Variants in STXBP5L observed in about 807,000 individuals in gnomAD.
STXBP5L encodes syntaxin-binding protein 5-like.
Under a neutral mutation model 144.5 loss-of-function variants are expected in STXBP5L, and 65 were observed. The ratio of observed to expected loss-of-function variants is 0.45; its 90% CI spans 0.37 to 0.55. The LOEUF is 0.55. Among genes scored for constraint, STXBP5L ranks in the 20% least tolerant of loss-of-function variants. The pLI, the probability that STXBP5L is intolerant of heterozygous loss-of-function variation, is 0.00. For synonymous variants in STXBP5L, 505 were observed against 469.6 expected (o/e 1.08, Z -0.97); for missense variants, 1,298 against 1,405.5 (o/e 0.92, Z 1.22).
chr3:121,065,827 G>A (rs1364173778), intron 5 of STXBP5L, among the ~76,000 whole-genome samples: 4 of 152,182 alleles, frequency 2.6e-5, no homozygotes, highest in African/African-American at 9.7e-5. Flanking sequence ...ACTGGGAAAG[G>A]ATCTTTATTC....
chr3:121,336,392 G>A (rs757422240), intron 20 of STXBP5L, among the ~76,000 whole-genome samples: 2 of 152,100 alleles, frequency 1.3e-5, no homozygotes, highest in Non-Finnish European at 2.9e-5. Context: ...AGCTACTCAG[G>A]AGGCTGAGAT....
At chr3:121,293,030 G>GA (rs954779070) in intron 19 of STXBP5L, among the ~76,000 whole-genome samples, 4 of 150,464 alleles carry the variant, frequency 2.7e-5, no homozygotes, top group Non-Finnish European at 4.4e-5. Context: ...CTATTAAAAC[G>GA]AAAAAAAAAT....
At chr3:121,409,863 G>T (rs1336470786) in intron 23 of STXBP5L, among the ~76,000 whole-genome samples, 3 of 151,382 alleles carry the variant, frequency 2.0e-5, no homozygotes, top group Non-Finnish European at 3.0e-5. Context: ...CTTTTCCCCT[G>T]GTATTGATTA....
intron 16 of STXBP5L, among the ~76,000 whole-genome samples, chr3:121,255,869 C>G (rs1399014243): frequency 6.6e-6 from 1 of 152,064 alleles, no homozygotes; most frequent in Non-Finnish European, 1.5e-5. Context: ...TCCTTCTCTA[C>G]CTTGCCCCTT....
Position 120,984,632 on chromosome 3 carries a change from CTTTTTTT to C in STXBP5L, c.287+29611_287+29617del, listed in dbSNP as rs35656223. Among the ~76,000 whole-genome samples the C allele has an allele frequency of 6.5e-3, 471 of 71,998 alleles. 6 individuals carry two copies. The highest frequency in any genetic ancestry group is 8.4e-3 in the Non-Finnish European group (343 of 40,942). 47.2% of individuals were successfully genotyped at this position (71,998 alleles called of 152,430 possible). ...TGGATGCCTTTCATTTCTTTCTTTC[CTTTTTTT>C]TTTTTTTTTTTTTTTGCCTAATTGC... On this transcript the variant is annotated intron_variant, in intron 3 of 26. Coordinates refer to ENST00000471454, the MANE Select transcript of STXBP5L (RefSeq NM_001308330.2).
At chr3:120,924,431 G>A (rs1709505768) in intron 2 of STXBP5L, among the ~76,000 whole-genome samples, 1 of 151,920 alleles carries the variant, frequency 6.6e-6, no homozygotes, top group South Asian at 2.1e-4. Flanking sequence ...ACAATCTAAG[G>A]AATTAGATCA....
intron 20 of STXBP5L, among the ~76,000 whole-genome samples, chr3:121,366,799 T>C (rs2045875840): frequency 6.6e-6 from 1 of 150,876 alleles, no homozygotes; most frequent in East Asian, 1.9e-4. Flanking sequence ...CTATAGGCCT[T>C]ATAGCTTTTT....
intron 2 of STXBP5L, among the ~76,000 whole-genome samples, chr3:120,943,690 G>A (rs1489629286): frequency 6.6e-6 from 1 of 151,502 alleles, no homozygotes; most frequent in Non-Finnish European, 1.5e-5. Context: ...TATAAAATAT[G>A]ATGAGTTTCC....
At chr3:121,412,737 A>G (rs1048738006) in intron 23 of STXBP5L, among the ~76,000 whole-genome samples, 3 of 148,182 alleles carry the variant, frequency 2.0e-5, no homozygotes, top group Non-Finnish European at 4.5e-5. Flanking sequence ...CAAAAAAAAA[A>G]AAAAAAAAAA....
chr3:121,219,415 T>C (rs568447882), intron 10 of STXBP5L, among the ~76,000 whole-genome samples: 3 of 152,172 alleles, frequency 2.0e-5, no homozygotes, highest in Admixed American at 6.5e-5. Flanking sequence ...CTGGACTGCA[T>C]AGGTAGCACA....
chr3:121,133,646 G>A (rs958939096), intron 7 of STXBP5L, among the ~76,000 whole-genome samples: 1 of 152,176 alleles, frequency 6.6e-6, no homozygotes, highest in Non-Finnish European at 1.5e-5. Context: ...TCTTTAAGTT[G>A]AAGCAAAAGG....
intron 6 of STXBP5L, 62 bp downstream of exon 6, chr3:121,115,121 TAGGTCAAATTAC>T: frequency 6.8e-7 from 1 of 1,470,622 alleles, no homozygotes; most frequent in South Asian, 1.4e-5. Flanking sequence ...ATGTAACATG[TAGGTCAAATTAC>T]AGTTATTTGA....
chr3:121,095,531 T>C (rs1414998674), intron 5 of STXBP5L, among the ~76,000 whole-genome samples: 1 of 152,234 alleles, frequency 6.6e-6, no homozygotes, highest in Non-Finnish European at 1.5e-5. Flanking sequence ...TTCATTTCAT[T>C]CATTTGGTCT....
chr3:121,129,666 C>A (rs1450495251), intron 7 of STXBP5L, among the ~76,000 whole-genome samples: 1 of 152,054 alleles, frequency 6.6e-6, no homozygotes, highest in African/African-American at 2.4e-5. Flanking sequence ...AATCTTTCTC[C>A]AGGACTATGT....
intron 3 of STXBP5L, among the ~76,000 whole-genome samples, chr3:120,986,134 T>G (rs952986855): frequency 3.3e-5 from 5 of 152,044 alleles, no homozygotes; most frequent in African/African-American, 1.2e-4. Context: ...TCCCTTCATA[T>G]TTCTTCTTTG....
rs112967595 is a variant in STXBP5L at position 121,338,592 on chromosome 3, CAAAAAAA to C, written c.2176+20063_2176+20069del. On this transcript the variant is annotated intron_variant, in intron 20 of 26. Transcript: ENST00000471454. ...TGGGAGGCAGAGGTTGCATTTCTGT[CAAAAAAA>C]AAAAAAAAAAGAGAGAAAGAGAGAA... is the stretch of plus-strand genomic sequence containing the variant. Among the ~76,000 whole-genome samples the C allele has an allele frequency of 4.9e-5, 5 of 101,670 alleles. No individual in the cohort carries two copies. The South Asian group carries it at 1.3e-3, about 27-fold the overall frequency. The allele number at this position is 101,670 out of a possible 152,430, so 66.7% of individuals were successfully genotyped here.
chr3:120,987,307 T>G (rs1409911633), intron 3 of STXBP5L, among the ~76,000 whole-genome samples: 2 of 152,008 alleles, frequency 1.3e-5, no homozygotes, highest in Non-Finnish European at 2.9e-5. Flanking sequence ...TTTTTAAGTT[T>G]TAGTCGTTTT....
chr3:121,185,617 G>T (rs1481509388), intron 9 of STXBP5L, among the ~76,000 whole-genome samples: 1 of 152,116 alleles, frequency 6.6e-6, no homozygotes, highest in Non-Finnish European at 1.5e-5. Flanking sequence ...TAGATATGTG[G>T]TATTATTTCT....
intron 20 of STXBP5L, chr3:121,356,894 G>T (rs1252286389): frequency 6.5e-6 from 1 of 153,716 alleles, no homozygotes; most frequent in Non-Finnish European, 1.5e-5. Context: ...ACTGGCCAGA[G>T]CCCATTCAAG....
Sources: gnomAD v4.1 joint callset for allele counts (sites outside exome capture counted in the v4.1 genomes callset) on GRCh38, gnomAD v4.1.1 for gene constraint, MANE v1.5 for transcripts, NCBI Gene and HGNC (gene_info 2026-07-23, HGNC 2026-07-21) for gene names.